The following NXPE2 variants were observed in gnomAD, a reference collection of about 807,000 sequenced individuals.
NXPE2 encodes neurexophilin and PC-esterase domain family member 2.
NXPE2 carries 34 observed loss-of-function variants against 34.4 expected under a neutral mutation model. The observed-to-expected ratio is 0.99, with a 90% CI of 0.75 to 1.31. The LOEUF (loss-of-function observed/expected upper bound fraction) is 1.31. Among genes scored for constraint, NXPE2 ranks in the 40% most tolerant of loss-of-function variants. NXPE2 has a pLI of 0.00. For missense variants in NXPE2, 649 were observed against 672.5 expected, an observed-to-expected ratio of 0.97 and a Z score of 0.39; for synonymous variants, 235 against 231.3, an observed-to-expected ratio of 1.02 and a Z score of -0.15.
At chr11:114,785,243 A>C in the NXPE2 span, among the ~76,000 whole-genome samples, 1 of 152,076 alleles carries the variant, frequency 6.6e-6, no homozygotes, top group Non-Finnish European at 1.5e-5. Flanking sequence ...AACCTGGATG[A>C]GACCTTAGAA....
chr11:114,592,116 A>G, the NXPE2 span, among the ~76,000 whole-genome samples: 2 of 152,222 alleles, frequency 1.3e-5, no homozygotes, highest in African/African-American at 4.8e-5. Context: ...CTGGAACAAG[A>G]TATTTTTGAA....
At chr11:114,796,498 T>A in the NXPE2 span, among the ~76,000 whole-genome samples, 1 of 152,168 alleles carries the variant, frequency 6.6e-6, no homozygotes, top group Admixed American at 6.5e-5. Flanking sequence ...GATAAAGTGG[T>A]TAACTGTTTC....
At chr11:114,499,307 A>G in the NXPE2 span, among the ~76,000 whole-genome samples, 1 of 152,116 alleles carries the variant, frequency 6.6e-6, no homozygotes, top group African/African-American at 2.4e-5. Context: ...GATATTTGCA[A>G]AGACATTAGC....
chr11:114,803,589 T>C, the NXPE2 span, among the ~76,000 whole-genome samples: 4 of 151,990 alleles, frequency 2.6e-5, no homozygotes, highest in East Asian at 5.8e-4. Context: ...TCTCTCTTTT[T>C]TTTTTTGAGA....
the NXPE2 span, among the ~76,000 whole-genome samples, chr11:114,539,990 T>G: frequency 3.9e-5 from 6 of 152,220 alleles, no homozygotes; most frequent in African/African-American, 1.4e-4. Context: ...AAAAGTTCAA[T>G]ATAAAGACAT....
chr11:114,684,299 C>T (rs370223082), intron 2 of NXPE2, among the ~76,000 whole-genome samples: 91 of 151,844 alleles, frequency 6.0e-4, no homozygotes, highest in South Asian at 6.3e-4. Context: ...TGGTGGTGGG[C>T]GCCTGTAGTC....
At chr11:114,658,582 A>G in the NXPE2 span, among the ~76,000 whole-genome samples, 2,174 of 152,292 alleles carry the variant, frequency 0.014, 43 homozygotes, top group African/African-American at 0.05. Flanking sequence ...GTGTTATGCT[A>G]CTGGCAGAAG....
the NXPE2 span, among the ~76,000 whole-genome samples, chr11:114,798,388 CTTCCCTTCCCTTTTCTTCT>C: frequency 6.6e-6 from 1 of 151,970 alleles, no homozygotes; most frequent in Admixed American, 6.6e-5. Flanking sequence ...TCTTTTCTCC[CTTCCCTTCCCTTTTCTTCT>C]TTCCAGAGTC....
At chr11:114,478,352 C>T in the NXPE2 span, among the ~76,000 whole-genome samples, 2 of 152,258 alleles carry the variant, frequency 1.3e-5, no homozygotes, top group African/African-American at 4.8e-5. Context: ...AAAGACATTC[C>T]TTGGTTGTAA....
chr11:114,602,719 A>G, the NXPE2 span, among the ~76,000 whole-genome samples: 4 of 92,270 alleles, frequency 4.3e-5, no homozygotes, highest in East Asian at 1.1e-3. Context: ...AGAATCACAT[A>G]TAATTATCTC....
At chr11:114,745,264 C>T in the NXPE2 span, among the ~76,000 whole-genome samples, 1 of 152,148 alleles carries the variant, frequency 6.6e-6, no homozygotes, top group Admixed American at 6.5e-5. Context: ...ATGGCACCAG[C>T]GTCTATTTTG....
chr11:114,473,318 C>T, the NXPE2 span, among the ~76,000 whole-genome samples: 1 of 151,962 alleles, frequency 6.6e-6, no homozygotes, highest in Admixed American at 6.6e-5. Context: ...GTGTTTTTGC[C>T]ACAATAATCA....
At chr11:114,538,109 C>T in the NXPE2 span, among the ~76,000 whole-genome samples, 383 of 152,202 alleles carry the variant, frequency 2.5e-3, 3 homozygotes, top group African/African-American at 9.1e-3. Flanking sequence ...GAACAGAGCC[C>T]TCAGAAATAA....
chr11:114,552,144 T>C, the NXPE2 span: 1 of 152,198 alleles, frequency 6.6e-6, no homozygotes, highest in Non-Finnish European at 1.5e-5. Context: ...GGTTAACCTT[T>C]GGGAAGTCCA....
At chr11:114,576,837 G>A in the NXPE2 span, among the ~76,000 whole-genome samples, 1 of 151,540 alleles carries the variant, frequency 6.6e-6, no homozygotes, top group African/African-American at 2.4e-5. Flanking sequence ...CTGCTTCTTG[G>A]TATCTACCCA....
the NXPE2 span, among the ~76,000 whole-genome samples, chr11:114,629,382 A>C: frequency 2.1e-3 from 310 of 146,246 alleles, no homozygotes; most frequent in African/African-American, 6.4e-3. Context: ...AAATCAATAA[A>C]TGTAATCCAG....
At chr11:114,547,830 A>G in the NXPE2 span, among the ~76,000 whole-genome samples, 1,126 of 152,304 alleles carry the variant, frequency 7.4e-3, 4 homozygotes, top group Non-Finnish European at 0.012. Context: ...TGAATAATAT[A>G]TGGACTTCAA....
the NXPE2 span, among the ~76,000 whole-genome samples, chr11:114,637,016 G>C: frequency 1.4e-4 from 21 of 146,596 alleles, no homozygotes; most frequent in Non-Finnish European, 2.8e-4. Context: ...CCTGGGTATC[G>C]TTGTTGACTT....
At chr11:114,756,185 A>G in the NXPE2 span, among the ~76,000 whole-genome samples, 3 of 152,026 alleles carry the variant, frequency 2.0e-5, no homozygotes, top group Non-Finnish European at 4.4e-5. Flanking sequence ...TTATTATTCC[A>G]TGGAGAATGA....
Sources: allele counts gnomAD v4.1 joint callset (sites outside exome capture counted in the v4.1 genomes callset), GRCh38; gene constraint gnomAD v4.1.1; transcripts MANE v1.5; gene names NCBI Gene and HGNC (gene_info 2026-07-23, HGNC 2026-07-21).